Variants in PTPRD observed in about 807,000 individuals in gnomAD.
The protein encoded by PTPRD is receptor-type tyrosine-protein phosphatase delta.
In PTPRD, 34 loss-of-function variants were observed where a neutral mutation model predicts 214.5. The observed-to-expected ratio is 0.16, with a 90% CI of 0.12 to 0.21. The LOEUF (loss-of-function observed/expected upper bound fraction) is 0.21, where lower values mean the gene tolerates loss of function less well. PTPRD is among the 10% of genes least tolerant of loss of function. The probability of loss-of-function intolerance (pLI) is 1.00; values close to 1 mark genes in which losing one functional copy is unlikely to be tolerated. For synonymous variants in PTPRD, 1,128 were observed against 845.7 expected (o/e 1.33, Z -5.79); for missense variants, 2,545 against 2,398.7 (o/e 1.06, Z -1.27).
In PTPRD at chr9:8,621,504, G is replaced by C. The variant is rs184394070; in HGVS notation, c.352+11813C>G. 4.6e-3 allele frequency among the ~76,000 whole-genome samples: 697 copies of C among 151,988 alleles called. 20 individuals are homozygous for C. Among genetic ancestry groups the C allele is most frequent in the Admixed American group, 0.043 (649 of 15,244 alleles). ...TACTGGGCAAAACCCCAGTCCTACT[G>C]GGCAGCATTTAGTGTCCTCCTTGGT... On this transcript the variant is annotated intron_variant, in intron 14 of 45. Coordinates refer to ENST00000381196, the MANE Select transcript of PTPRD (RefSeq NM_002839.4).
At chr9:9,424,267 A>G (rs2079969110) in intron 8 of PTPRD, among the ~76,000 whole-genome samples, 1 of 152,190 alleles carries the variant, frequency 6.6e-6, no homozygotes, top group Non-Finnish European at 1.5e-5. Context: ...GCTAATGCTG[A>G]GGGCACTCCC....
chr9:9,640,049 G>C (rs1412310236), intron 7 of PTPRD, among the ~76,000 whole-genome samples: 1 of 152,116 alleles, frequency 6.6e-6, no homozygotes, highest in Non-Finnish European at 1.5e-5. Flanking sequence ...TCTTTCCTTG[G>C]TAACTGAACC....
chr9:9,879,167 G>C (rs1565958908), intron 5 of PTPRD, among the ~76,000 whole-genome samples: 1 of 152,196 alleles, frequency 6.6e-6, no homozygotes, highest in Non-Finnish European at 1.5e-5. Flanking sequence ...AAGGACTAGA[G>C]AAATTGTAAT....
intron 6 of PTPRD, among the ~76,000 whole-genome samples, chr9:9,752,702 C>T (rs973189627): frequency 4.0e-5 from 6 of 151,796 alleles, no homozygotes; most frequent in South Asian, 2.1e-4. Flanking sequence ...GCAGTGGGGA[C>T]GGAGGGCAAG....
chr9:9,251,869 C>T (rs1056855547), intron 9 of PTPRD, among the ~76,000 whole-genome samples: 16 of 152,082 alleles, frequency 1.1e-4, no homozygotes, highest in East Asian at 3.9e-4. Context: ...GTCTTAACTA[C>T]GCATTGGGCC....
At chr9:10,407,928 G>A (rs2098390790) in intron 2 of PTPRD, among the ~76,000 whole-genome samples, 1 of 151,362 alleles carries the variant, frequency 6.6e-6, no homozygotes, top group Non-Finnish European at 1.5e-5. Context: ...TTTTCATGGG[G>A]AAACTTTTGG....
chr9:8,948,531 TTATATATATATTTATATATATTTA>T (rs1567184346), intron 11 of PTPRD, among the ~76,000 whole-genome samples: 1 of 30,070 alleles, frequency 3.3e-5, no homozygotes, highest in Non-Finnish European at 7.4e-5. Flanking sequence ...ATATATATAT[TTATATATATATTTATATATATTTA>T]TATATATTTA....
At chr9:9,467,288 T>C (rs2094246624) in intron 8 of PTPRD, among the ~76,000 whole-genome samples, 1 of 146,218 alleles carries the variant, frequency 6.8e-6, no homozygotes, top group Admixed American at 6.8e-5. Flanking sequence ...GGCCAAAATC[T>C]ATCCTAGAAG....
At chr9:8,730,956 G>C (rs553065726) in intron 12 of PTPRD, among the ~76,000 whole-genome samples, 16 of 152,262 alleles carry the variant, frequency 1.1e-4, no homozygotes, top group African/African-American at 3.6e-4. Context: ...GGAATGAACA[G>C]AAATCAGATA....
intron 3 of PTPRD, among the ~76,000 whole-genome samples, chr9:10,243,003 C>T (rs573795727): frequency 2.0e-5 from 3 of 151,800 alleles, no homozygotes; most frequent in Admixed American, 6.6e-5. Flanking sequence ...AAAGTTTTAA[C>T]AGTTCATACA....
intron 14 of PTPRD, among the ~76,000 whole-genome samples, chr9:8,561,627 G>C (rs73412724): frequency 1.3e-5 from 2 of 152,090 alleles, no homozygotes; most frequent in African/African-American, 4.8e-5. Context: ...GAGAGTGGAG[G>C]GCACATCACC....
chr9:8,388,649 T>C (rs960899036), intron 37 of PTPRD, among the ~76,000 whole-genome samples: 2 of 152,164 alleles, frequency 1.3e-5, no homozygotes, highest in African/African-American at 2.4e-5. Flanking sequence ...AAGCTATGAC[T>C]CCATTATTAA....
chr9:8,706,372 T>A (rs2098209387), intron 12 of PTPRD, among the ~76,000 whole-genome samples: 1 of 152,160 alleles, frequency 6.6e-6, no homozygotes, highest in Admixed American at 6.5e-5. Flanking sequence ...GGATTAGAGA[T>A]TCATTTTAAA....
chr9:10,536,313 G>T (rs1011460975), intron 2 of PTPRD, among the ~76,000 whole-genome samples: 1 of 152,088 alleles, frequency 6.6e-6, no homozygotes, highest in African/African-American at 2.4e-5. Context: ...AAATTCTCTT[G>T]TAAGTCACAG....
intron 12 of PTPRD, among the ~76,000 whole-genome samples, chr9:8,672,738 C>T (rs2097310783): frequency 6.6e-6 from 1 of 150,738 alleles, no homozygotes; most frequent in African/African-American, 2.4e-5. Flanking sequence ...ATAAAAATGG[C>T]AACTGATTAT....
chr9:9,839,860 G>A (rs2057844480), intron 5 of PTPRD, among the ~76,000 whole-genome samples: 2 of 151,904 alleles, frequency 1.3e-5, no homozygotes, highest in Non-Finnish European at 2.9e-5. Flanking sequence ...TCTTTCTGTT[G>A]CTGGTAATCA....
intron 2 of PTPRD, among the ~76,000 whole-genome samples, chr9:10,414,980 C>T (rs1012009659): frequency 2.0e-5 from 3 of 151,496 alleles, no homozygotes; most frequent in African/African-American, 4.8e-5. Flanking sequence ...CTATTGGTTA[C>T]TAGGTTTAAT....
At chr9:10,501,068 C>T (rs1055735066) in intron 2 of PTPRD, among the ~76,000 whole-genome samples, 3 of 151,902 alleles carry the variant, frequency 2.0e-5, no homozygotes, top group African/African-American at 7.2e-5. Context: ...AGTGGGGTTG[C>T]TGTATCTTAT....
intron 3 of PTPRD, among the ~76,000 whole-genome samples, chr9:10,068,049 G>T (rs377359566): frequency 1.3e-5 from 2 of 151,812 alleles, no homozygotes; most frequent in Non-Finnish European, 2.9e-5. Flanking sequence ...GAGTTCCTTC[G>T]CTCTAGGTCT....
Sources: gnomAD v4.1 joint callset for allele counts (sites outside exome capture counted in the v4.1 genomes callset) on GRCh38, gnomAD v4.1.1 for gene constraint, MANE v1.5 for transcripts, NCBI Gene and HGNC (gene_info 2026-07-23, HGNC 2026-07-21) for gene names.